Variants in SNX7 observed in about 807,000 individuals in gnomAD.
SNX7 encodes sorting nexin-7.
SNX7 carries 35 observed loss-of-function variants against 48.4 expected under a neutral mutation model. The ratio of observed to expected loss-of-function variants is 0.72; its 90% CI spans 0.55 to 0.96. SNX7 has a LOEUF of 0.96. SNX7 is among the 40% of genes least tolerant of loss of function. SNX7 has a pLI of 0.00. For missense variants in SNX7, 553 were observed against 548.9 expected (o/e 1.01, Z -0.07); for synonymous variants, 190 against 190.2 (o/e 1.00, Z 0.01).
chr1:98,691,259 C>A, intron 3 of SNX7, 74 bp downstream of exon 3: 1 of 829,586 alleles, frequency 1.2e-6, no homozygotes. Flanking sequence ...TGCCTAAAAC[C>A]TAATTTCAGA....
Position 98,737,545 on chromosome 1 carries a change from AT to A in SNX7, c.1126-691del, listed in dbSNP as rs545846304. Among the ~76,000 whole-genome samples, 5 of 152,338 alleles carry A rather than the reference AT, an allele frequency of 3.3e-5. No individual in the cohort carries two copies. The South Asian group carries it at 1.0e-3, about 32-fold the overall frequency. On this transcript the variant is annotated intron_variant, in intron 7 of 8. Coordinates refer to ENST00000306121, the MANE Select transcript of SNX7 (RefSeq NM_015976.5). The stretch of plus-strand genomic sequence containing the variant: ...TATATGAATAGCTATAAATATAAAA[AT>A]ACATATATATGAATATGCCAAATAT...
chr1:98,738,490 A>G, intron 8 of SNX7, 101 bp downstream of exon 8: 1 of 1,123,918 alleles, frequency 8.9e-7, no homozygotes, highest in Non-Finnish European at 1.3e-6. Flanking sequence ...CAAGTGTCAC[A>G]TTCTAATGCC....
At chr1:98,709,768 A>G (rs1478206170) in intron 7 of SNX7, among the ~76,000 whole-genome samples, 1 of 152,188 alleles carries the variant, frequency 6.6e-6, no homozygotes, top group African/African-American at 2.4e-5. Context: ...GAGAGCCCCA[A>G]TTCTGATCCA....
chr1:98,667,043 C>T (rs897364524), intron 1 of SNX7, among the ~76,000 whole-genome samples: 2 of 152,170 alleles, frequency 1.3e-5, no homozygotes, highest in Non-Finnish European at 2.9e-5. Flanking sequence ...GTTGAGCCCT[C>T]ATGTATAATG....
intron 7 of SNX7, among the ~76,000 whole-genome samples, chr1:98,724,267 C>T (rs1287972233): frequency 3.3e-5 from 5 of 151,956 alleles, no homozygotes; most frequent in Non-Finnish European, 7.4e-5. Context: ...CCCGGGTAAA[C>T]CCACTCTGGC....
chr1:98,678,823 T>G (rs925745710), intron 1 of SNX7, among the ~76,000 whole-genome samples: 3 of 152,196 alleles, frequency 2.0e-5, no homozygotes, highest in African/African-American at 7.2e-5. Context: ...AACAAAATAT[T>G]ATACTCTTTA....
At chr1:98,719,893 T>C (rs907834521) in intron 7 of SNX7, among the ~76,000 whole-genome samples, 45 of 148,908 alleles carry the variant, frequency 3.0e-4, no homozygotes, top group African/African-American at 1.0e-3. Flanking sequence ...TTTAATGGTA[T>C]ATATCAACTA....
At chr1:98,705,549 G>C (rs1264660314) in intron 7 of SNX7, among the ~76,000 whole-genome samples, 1 of 152,158 alleles carries the variant, frequency 6.6e-6, no homozygotes, top group Non-Finnish European at 1.5e-5. Context: ...TGACAGTATA[G>C]AGGTAATGTT....
intron 8 of SNX7, among the ~76,000 whole-genome samples, chr1:98,748,849 C>T (rs1654437806): frequency 6.6e-6 from 1 of 152,082 alleles, no homozygotes; most frequent in Non-Finnish European, 1.5e-5. Context: ...ATCCCATTCA[C>T]ATACACCCCT....
intron 2 of SNX7, 37 bp from the exon 3 acceptor site, chr1:98,691,038 T>A: frequency 7.2e-7 from 1 of 1,397,640 alleles, no homozygotes; most frequent in Non-Finnish European, 1.0e-6. Context: ...TTCTATCTTA[T>A]ATTGCATGTG....
At chr1:98,683,562 A>T (rs1650619472) in intron 1 of SNX7, among the ~76,000 whole-genome samples, 1 of 151,518 alleles carries the variant, frequency 6.6e-6, no homozygotes, top group Admixed American at 6.6e-5. Context: ...CCCCAGAGAG[A>T]CCCTCCCCCC....
intron 1 of SNX7, among the ~76,000 whole-genome samples, chr1:98,665,545 G>A (rs949640413): frequency 2.0e-5 from 3 of 151,970 alleles, no homozygotes; most frequent in Non-Finnish European, 4.4e-5. Context: ...ATTGAGCAAG[G>A]CTTTTGAAAA....
chr1:98,708,497 G>A (rs565342963), intron 7 of SNX7, among the ~76,000 whole-genome samples: 1 of 152,132 alleles, frequency 6.6e-6, no homozygotes, highest in East Asian at 1.9e-4. Context: ...TTTGCAGAAC[G>A]TAACGTGGAG....
At chr1:98,743,765 G>C (rs1235236009) in intron 8 of SNX7, among the ~76,000 whole-genome samples, 1 of 152,056 alleles carries the variant, frequency 6.6e-6, no homozygotes, top group Admixed American at 6.6e-5. Context: ...ATAAATTCTA[G>C]TGACATGGTT....
intron 1 of SNX7, among the ~76,000 whole-genome samples, chr1:98,678,239 G>A (rs4950105): frequency 0.26 from 39,297 of 151,904 alleles, 5,451 homozygotes; most frequent in South Asian, 0.31. Flanking sequence ...GAAAGAGGAC[G>A]ATCCAGGGTC....
chr1:98,760,222 A>T lies in SNX7; in HGVS notation c.*91A>T, dbSNP rs1023031664. ...GATCTGCCGTGTCCTTATAAAGTGG[A>T]TGAAAAATGTTTTGTACCCATCTGG... On this transcript the variant is annotated 3_prime_UTR_variant, in exon 9 of 9. Transcript: ENST00000306121. The T allele has an allele frequency of 9.7e-7, 1 of 1,026,436 alleles. No homozygotes were observed. Among genetic ancestry groups the T allele is most frequent in the Non-Finnish European group, 1.5e-6 (1 of 667,682 alleles). 63.6% of individuals were successfully genotyped at this position (1,026,436 alleles called of 1,614,324 possible).
chr1:98,665,959 A>G (rs1649516423), intron 1 of SNX7, among the ~76,000 whole-genome samples: 1 of 152,182 alleles, frequency 6.6e-6, no homozygotes, highest in Admixed American at 6.5e-5. Flanking sequence ...CTTTATATGT[A>G]TATATATATT....
chr1:98,677,112 C>T (rs545574847), intron 1 of SNX7, among the ~76,000 whole-genome samples: 49 of 152,296 alleles, frequency 3.2e-4, no homozygotes, highest in Non-Finnish European at 6.2e-4. Context: ...AGTTGGAGAA[C>T]AAGTTCTTAC....
rs143565081 is a variant in SNX7, at chr1:98,757,061, C to T, written c.1279-2993C>T. 3.7e-3 allele frequency among the ~76,000 whole-genome samples: 565 copies of T among 152,148 alleles called. 2 individuals are homozygous for T. The highest frequency in any genetic ancestry group is 0.013 in the African/African-American group (529 of 41,528). On this transcript the variant is annotated intron_variant, in intron 8 of 8. Transcript: ENST00000306121. ...GCACCACCTCCACCACTCCTGCATACGCCATGCGGCATGCCTGCTACCACC... is the reference window on the plus strand; with the variant it reads ...GCACCACCTCCACCACTCCTGCATATGCCATGCGGCATGCCTGCTACCACC...
Sources: allele counts gnomAD v4.1 joint callset (sites outside exome capture counted in the v4.1 genomes callset), GRCh38; gene constraint gnomAD v4.1.1; transcripts MANE v1.5; gene names NCBI Gene and HGNC (gene_info 2026-07-23, HGNC 2026-07-21).